Variants in SPECC1 observed in about 807,000 individuals in gnomAD.
SPECC1 encodes the protein sperm antigen with calponin homology and coiled-coil domains 1.
In SPECC1, 62 loss-of-function variants were observed where a neutral mutation model predicts 104.1. The observed-to-expected ratio is 0.60, with a 90% CI of 0.49 to 0.74. The LOEUF is 0.74. Among genes scored for constraint, SPECC1 ranks in the 30% least tolerant of loss-of-function variants. The pLI, the probability that SPECC1 is intolerant of heterozygous loss-of-function variation, is 0.00. For synonymous variants in SPECC1, 513 were observed against 501.6 expected, an observed-to-expected ratio of 1.02 and a Z score of -0.30; for missense variants, 1,306 against 1,310.5, an observed-to-expected ratio of 1.00 and a Z score of 0.05.
In SPECC1 at chr17:20,194,502, A is replaced by ATTATTTTTTT; in HGVS notation, c.284-9829_284-9828insATTTTTTTTT. Among the ~76,000 whole-genome samples, 213 of 86,542 alleles carry ATTATTTTTTT rather than the reference A, an allele frequency of 2.5e-3. 22 individuals are homozygous for ATTATTTTTTT. Among genetic ancestry groups the ATTATTTTTTT allele is most frequent in the Non-Finnish European group, 3.2e-3 (155 of 48,262 alleles). 56.8% of individuals were successfully genotyped at this position (86,542 alleles called of 152,430 possible). On this transcript the variant is annotated intron_variant, in intron 3 of 14. Coordinates refer to ENST00000395527, the MANE Select transcript of SPECC1 (RefSeq NM_001243439.2). Reference sequence around the variant, plus strand: ...TGTGTTCTGTTAGAAAAGAGAACGAATTTTTTTTTTTTTTTTTTTTTTTGA... The same window carrying ATTATTTTTTT: ...TGTGTTCTGTTAGAAAAGAGAACGAATTATTTTTTTTTTTTTTTTTTTTTTTTTTTTTTGA...
At chr17:20,124,243 G>A in intron 3 of SPECC1, among the ~76,000 whole-genome samples, 1 of 152,198 alleles carries the variant, frequency 6.6e-6, no homozygotes, top group Non-Finnish European at 1.5e-5. Context: ...ACAGTGGGGA[G>A]GGGAACAGAC....
At chr17:20,231,150 G>T (rs1322442235) in intron 5 of SPECC1, among the ~76,000 whole-genome samples, 1 of 152,200 alleles carries the variant, frequency 6.6e-6, no homozygotes, top group African/African-American at 2.4e-5. Flanking sequence ...GGAGAGGCAG[G>T]CAACCACCTG....
intron 1 of SPECC1, 103 bp from the exon 2 acceptor site, chr17:20,096,521 CTACTCTG>C (rs2047650916): frequency 1.6e-6 from 2 of 1,260,144 alleles, no homozygotes; most frequent in Non-Finnish European, 2.2e-6. Context: ...ATAGGTGCTC[CTACTCTG>C]TGATAGTTCA....
At chr17:20,237,298 TG>T (rs1567972774) in intron 7 of SPECC1, 1 of 1,092,188 alleles carries the variant, frequency 9.2e-7, no homozygotes, top group Non-Finnish European at 1.1e-6. Context: ...TTGTTGTTGT[TG>T]TTGTTGTTTT....
At chr17:20,238,315 A>ATC in intron 7 of SPECC1, 1 of 1,039,998 alleles carries the variant, frequency 9.6e-7, no homozygotes, top group African/African-American at 1.7e-5. Context: ...TCAGAGTGAT[A>ATC]CACAATTCAA....
At chr17:20,182,770 AAG>A (rs1488636455) in intron 3 of SPECC1, among the ~76,000 whole-genome samples, 1 of 152,188 alleles carries the variant, frequency 6.6e-6, no homozygotes, top group African/African-American at 2.4e-5. Context: ...GGGGTGAAGA[AAG>A]AGAGAACCAA....
intron 1 of SPECC1, among the ~76,000 whole-genome samples, chr17:20,071,347 C>T (rs1034038744): frequency 1.7e-4 from 26 of 151,424 alleles, no homozygotes; most frequent in Non-Finnish European, 3.5e-4. Context: ...ATCTATTTTA[C>T]TATCTGGTAG....
At chr17:20,295,098 G>T (rs1035571155) in intron 12 of SPECC1, among the ~76,000 whole-genome samples, 1 of 151,662 alleles carries the variant, frequency 6.6e-6, no homozygotes, top group Non-Finnish European at 1.5e-5. Flanking sequence ...GTATACATGT[G>T]CCATGTTGGT....
chr17:20,223,165 CT>C (rs1409076714), intron 4 of SPECC1, among the ~76,000 whole-genome samples: 1 of 151,962 alleles, frequency 6.6e-6, no homozygotes, highest in Non-Finnish European at 1.5e-5. Flanking sequence ...AAGCCAATAA[CT>C]TACTAGATTT....
chr17:20,167,674 G>A (rs1034032770), intron 3 of SPECC1, among the ~76,000 whole-genome samples: 5 of 152,112 alleles, frequency 3.3e-5, no homozygotes, highest in African/African-American at 7.2e-5. Flanking sequence ...GTGAAACTAC[G>A]TCTCAAAAAC....
chr17:20,147,631 A>C (rs1295329004), intron 3 of SPECC1, among the ~76,000 whole-genome samples: 2 of 152,156 alleles, frequency 1.3e-5, no homozygotes, highest in Admixed American at 1.3e-4. Flanking sequence ...AACTATTGAA[A>C]CTGAGTTGAG....
At chr17:20,235,536 T>C (rs2038859203) in intron 7 of SPECC1, among the ~76,000 whole-genome samples, 1 of 152,122 alleles carries the variant, frequency 6.6e-6, no homozygotes, top group Non-Finnish European at 1.5e-5. Context: ...AATGTAATGA[T>C]ATATTGTGCC....
At chr17:20,080,120 G>A (rs2046909323) in intron 1 of SPECC1, among the ~76,000 whole-genome samples, 1 of 152,190 alleles carries the variant, frequency 6.6e-6, no homozygotes, top group South Asian at 2.1e-4. Flanking sequence ...AACCGCAAGT[G>A]AGAAACAATG....
At chr17:20,298,275 C>G (rs1470534428) in intron 13 of SPECC1, among the ~76,000 whole-genome samples, 2 of 152,032 alleles carry the variant, frequency 1.3e-5, no homozygotes, top group East Asian at 1.9e-4. Flanking sequence ...TTGCTTGAAC[C>G]TGGGAGGCAG....
At chr17:20,208,232 T>C (rs1419992927) in intron 4 of SPECC1, among the ~76,000 whole-genome samples, 1 of 152,172 alleles carries the variant, frequency 6.6e-6, no homozygotes, top group Non-Finnish European at 1.5e-5. Flanking sequence ...CTAGCTAGTA[T>C]TTTTAGGTGA....
intron 4 of SPECC1, among the ~76,000 whole-genome samples, chr17:20,225,031 C>A (rs1003429665): frequency 6.6e-6 from 1 of 152,136 alleles, no homozygotes; most frequent in Admixed American, 6.5e-5. Context: ...CTGGGTCCTT[C>A]CTTTCATGAC....
chr17:20,150,300 T>G lies in SPECC1; in HGVS notation c.283+39738T>G, dbSNP rs530212755. Among the ~76,000 whole-genome samples, 367 of 151,058 alleles carry G rather than the reference T, an allele frequency of 2.4e-3. 2 individuals are homozygous for G. The highest frequency in any genetic ancestry group is 8.3e-3 in the African/African-American group (340 of 41,196). On this transcript the variant is annotated intron_variant, in intron 3 of 14. Coordinates refer to ENST00000395527, the MANE Select transcript of SPECC1 (RefSeq NM_001243439.2). The stretch of plus-strand genomic sequence containing the variant: ...GCCCGGCCTTTTTTCTTTTTTTTTT[T>G]GGGACGGAGTCTCAGCTCATCACAA...
At chr17:20,241,314 C>T (rs2039190195) in intron 7 of SPECC1, among the ~76,000 whole-genome samples, 2 of 152,148 alleles carry the variant, frequency 1.3e-5, no homozygotes, top group African/African-American at 4.8e-5. Context: ...TCCTATCCTG[C>T]CCCTTGTCAC....
Position 20,204,781 on chromosome 17 carries a change from G to A in SPECC1, c.732G>A (p.Glu244=). The part of the protein sequence containing the change: ...KNFQKELSDL[E]EENRVLKEKL... The stretch of plus-strand genomic sequence containing the variant: ...TTCAGAAAGAGCTTTCCGATCTAGA[G>A]GAAGAAAACCGGGTCCTGAAGGAGA... The change falls in exon 4 of 15, where the codon GAG becomes GAA. Residue 244 remains glutamate (E), a synonymous_variant. Coordinates refer to ENST00000395527, the MANE Select transcript of SPECC1 (RefSeq NM_001243439.2). 2 of 1,614,068 alleles carry A rather than the reference G, an allele frequency of 1.2e-6. No individual in the cohort carries two copies. Among genetic ancestry groups the A allele is most frequent in the South Asian group, 1.1e-5 (1 of 91,068 alleles).
Sources: gnomAD v4.1 joint callset for allele counts (sites outside exome capture counted in the v4.1 genomes callset) on GRCh38, gnomAD v4.1.1 for gene constraint, MANE v1.5 for transcripts, NCBI Gene and HGNC (gene_info 2026-07-23, HGNC 2026-07-21) for gene names.